RANBP2: variants seen among roughly 807,000 people sequenced by gnomAD.
The protein encoded by RANBP2 is RAN binding protein 2.
RANBP2 carries 57 observed loss-of-function variants against 303.6 expected under a neutral mutation model. The observed-to-expected ratio is 0.19, with a 90% CI of 0.15 to 0.23. The LOEUF (loss-of-function observed/expected upper bound fraction) is 0.23. RANBP2 is among the 10% of genes least tolerant of loss of function. RANBP2 has a pLI of 1.00. For missense variants in RANBP2, 3,138 were observed against 3,780.8 expected, an observed-to-expected ratio of 0.83 and a Z score of 4.46; for synonymous variants, 1,167 against 1,301.5, an observed-to-expected ratio of 0.90 and a Z score of 2.23.
chr2:109,406,529 C>A, the RANBP2 span, among the ~76,000 whole-genome samples: 1 of 152,132 alleles, frequency 6.6e-6, no homozygotes, highest in Admixed American at 6.5e-5. Flanking sequence ...GCTCTACCAT[C>A]CTCACCTGGG....
chr2:109,410,832 C>G, the RANBP2 span, among the ~76,000 whole-genome samples: 7 of 141,972 alleles, frequency 4.9e-5, no homozygotes, highest in African/African-American at 1.9e-4. Flanking sequence ...CTGCACTTGG[C>G]TTTGAAGTCG....
chr2:109,164,453 G>T, the RANBP2 span, among the ~76,000 whole-genome samples: 9 of 152,258 alleles, frequency 5.9e-5, no homozygotes, highest in East Asian at 1.7e-3. Context: ...TGAGTAGCTG[G>T]GACTACAGCT....
the RANBP2 span, among the ~76,000 whole-genome samples, chr2:109,632,780 C>T: frequency 6.6e-6 from 1 of 151,796 alleles, no homozygotes; most frequent in South Asian, 2.1e-4. Context: ...GATCACGCCA[C>T]TGCACTCCAG....
chr2:109,002,678 G>A, the RANBP2 span, among the ~76,000 whole-genome samples: 5 of 152,252 alleles, frequency 3.3e-5, no homozygotes, highest in East Asian at 7.7e-4. Context: ...CAAGCACCAG[G>A]CACTGATCAG....
the RANBP2 span, among the ~76,000 whole-genome samples, chr2:109,341,361 A>G: frequency 2.3e-4 from 35 of 152,242 alleles, no homozygotes; most frequent in African/African-American, 8.2e-4. Context: ...TATTTAAAAT[A>G]AGGTAAGGCC....
chr2:109,080,156 A>G, the RANBP2 span, among the ~76,000 whole-genome samples: 1 of 152,226 alleles, frequency 6.6e-6, no homozygotes, highest in Non-Finnish European at 1.5e-5. Context: ...GGCAAAACGC[A>G]GCAAGATTTT....
At chr2:109,097,999 C>T in the RANBP2 span, among the ~76,000 whole-genome samples, 1 of 152,142 alleles carries the variant, frequency 6.6e-6, no homozygotes, top group East Asian at 1.9e-4. Context: ...TGCCCTTCCC[C>T]TGGAAGGCAA....
the RANBP2 span, among the ~76,000 whole-genome samples, chr2:109,093,406 T>TAAAAAAAAAAAAAAAAAAAAAAAA: frequency 5.5e-5 from 5 of 90,712 alleles, no homozygotes; most frequent in Non-Finnish European, 8.7e-5. Flanking sequence ...CGGAGATTTG[T>TAAAAAAAAAAAAAAAAAAAAAAAA]AAAAAAAAAA....
intron 18 of RANBP2, among the ~76,000 whole-genome samples, chr2:108,759,178 G>T (rs1173490644): frequency 2.0e-5 from 3 of 151,804 alleles, no homozygotes; most frequent in Non-Finnish European, 4.4e-5. Flanking sequence ...ATGAACTAAG[G>T]TTACTAATAG....
chr2:109,325,331 CTTTTTTTTTTTTTTTTT>C, the RANBP2 span, among the ~76,000 whole-genome samples: 2 of 66,256 alleles, frequency 3.0e-5, no homozygotes, highest in Non-Finnish European at 5.4e-5. Context: ...TTCTTTCTTT[CTTTTTTTTTTTTTTTTT>C]TTTTTTTTTT....
the RANBP2 span, among the ~76,000 whole-genome samples, chr2:109,163,437 C>T: frequency 1.9e-5 from 2 of 106,808 alleles, no homozygotes; most frequent in Non-Finnish European, 3.4e-5. Flanking sequence ...CTCGCTCTGT[C>T]GCCCAGGCTG....
At chr2:109,385,951 C>A in the RANBP2 span, among the ~76,000 whole-genome samples, 1 of 152,182 alleles carries the variant, frequency 6.6e-6, no homozygotes, top group Non-Finnish European at 1.5e-5. Flanking sequence ...CATCTGTTCA[C>A]CTGTTTTTAA....
chr2:109,119,808 C>T, the RANBP2 span, among the ~76,000 whole-genome samples: 1 of 152,176 alleles, frequency 6.6e-6, no homozygotes, highest in Non-Finnish European at 1.5e-5. Flanking sequence ...ATATTTTCGT[C>T]ACAGTGCTAT....
chr2:108,807,286 TATA>T, the RANBP2 span, among the ~76,000 whole-genome samples: 1 of 152,182 alleles, frequency 6.6e-6, no homozygotes, highest in African/African-American at 2.4e-5. Context: ...TTTTTGCCTA[TATA>T]ATAAGTCTAT....
the RANBP2 span, among the ~76,000 whole-genome samples, chr2:109,004,973 C>G: frequency 4.6e-5 from 7 of 152,212 alleles, no homozygotes; most frequent in East Asian, 1.2e-3. Flanking sequence ...TGTTCAGAGC[C>G]CGGTGGTTAT....
the RANBP2 span, among the ~76,000 whole-genome samples, chr2:109,431,300 A>G: frequency 1.3e-5 from 2 of 152,156 alleles, no homozygotes; most frequent in African/African-American, 2.4e-5. Flanking sequence ...ATTAACATTC[A>G]TCTTTGGTCT....
At chr2:108,988,450 G>A in the RANBP2 span, among the ~76,000 whole-genome samples, 3 of 151,714 alleles carry the variant, frequency 2.0e-5, no homozygotes, top group African/African-American at 4.8e-5. Flanking sequence ...CCCTCTCCCC[G>A]CTCCCCCGCC....
At chr2:109,135,606 G>A in the RANBP2 span, among the ~76,000 whole-genome samples, 15 of 152,118 alleles carry the variant, frequency 9.9e-5, no homozygotes, top group Non-Finnish European at 1.6e-4. Flanking sequence ...TGGTGGATTT[G>A]TGGTATTTAG....
the RANBP2 span, among the ~76,000 whole-genome samples, chr2:109,458,625 G>T: frequency 8.0e-5 from 6 of 74,930 alleles, no homozygotes; most frequent in Admixed American, 7.7e-4. Flanking sequence ...AAGGAATTAT[G>T]TGACTGTGGA....
Sources: allele counts gnomAD v4.1 joint callset (sites outside exome capture counted in the v4.1 genomes callset), GRCh38; gene constraint gnomAD v4.1.1; transcripts MANE v1.5; gene names NCBI Gene and HGNC (gene_info 2026-07-23, HGNC 2026-07-21).